RAD17: variants seen among roughly 807,000 people sequenced by gnomAD.
RAD17 encodes cell cycle checkpoint protein RAD17.
RAD17 carries 31 observed loss-of-function variants against 81.5 expected under a neutral mutation model. The ratio of observed to expected loss-of-function variants is 0.38; its 90% CI spans 0.29 to 0.51. The LOEUF (loss-of-function observed/expected upper bound fraction) is 0.51, where lower values mean the gene tolerates loss of function less well. Ranked by LOEUF, RAD17 falls within the 20% of genes least tolerant of loss-of-function variation. The probability of loss-of-function intolerance (pLI) is 0.88; values close to 1 mark genes in which losing one functional copy is unlikely to be tolerated. For missense variants in RAD17, 681 were observed against 781.2 expected (o/e 0.87, Z 1.53); for synonymous variants, 261 against 266.2 (o/e 0.98, Z 0.19).
Position 69,369,938 on chromosome 5 carries a change from G to A in RAD17, c.-417+5G>A, listed in dbSNP as rs1762824100. ...AGGGGATGCAGCTCCGGGAAAGTAA[G>A]GCCGCCGCGGTTGCGGCTATATTAT... On this transcript the variant is annotated splice_donor_5th_base_variant and intron_variant, in intron 1 of 18. Coordinates refer to ENST00000354868, the MANE Select transcript of RAD17 (RefSeq NM_133338.3). The A allele has an allele frequency of 1.8e-6, 1 of 563,822 alleles. No homozygotes were observed. The highest frequency in any genetic ancestry group is 3.1e-6 in the Non-Finnish European group (1 of 319,234). The allele number at this position is 563,822 out of a possible 1,614,324, so 34.9% of individuals were successfully genotyped here.
chr5:69,391,894 A>G lies in RAD17; in HGVS notation c.1070A>G (p.Lys357Arg). The G allele has an allele frequency of 1.3e-6, 2 of 1,595,520 alleles. No homozygotes were observed. The highest frequency in any genetic ancestry group is 1.1e-5 in the South Asian group (1 of 87,080). The change falls in exon 13 of 19, where the codon AAA becomes AGA. Residue 357 changes from lysine (K) to arginine (R), a missense_variant. Coordinates refer to ENST00000354868, the MANE Select transcript of RAD17 (RefSeq NM_133338.3). ...MSLKSDAVLS[K>R]SKRRKKPDRV... is the part of the protein sequence containing the mutation. ...TTAAAATCAGATGCTGTGCTGTCAA[A>G]ATCAAAACGAAGAAAAAAACCTGAT... is the stretch of plus-strand genomic sequence containing the variant.
At chr5:69,372,817 T>C (rs193132143) in intron 4 of RAD17, among the ~76,000 whole-genome samples, 6 of 152,210 alleles carry the variant, frequency 3.9e-5, no homozygotes, top group African/African-American at 9.6e-5. Flanking sequence ...CCCTATGTTA[T>C]GCTAGCTGTT....
chr5:69,374,973 G>A (rs2150770763), intron 6 of RAD17, among the ~76,000 whole-genome samples: 1 of 152,214 alleles, frequency 6.6e-6, no homozygotes, highest in South Asian at 2.1e-4. Flanking sequence ...CTAATTAGCT[G>A]GGCATTGTGG....
intron 6 of RAD17, among the ~76,000 whole-genome samples, chr5:69,378,618 T>G (rs1763654313): frequency 6.6e-6 from 1 of 152,240 alleles, no homozygotes; most frequent in Non-Finnish European, 1.5e-5. Flanking sequence ...AAATTAGGTT[T>G]TTGCAAACCT....
chr5:69,369,601 G>A (rs558646903), upstream of RAD17: 3 of 1,585,214 alleles, frequency 1.9e-6, no homozygotes, highest in Non-Finnish European at 2.6e-6. Context: ...AGGCCCCGAA[G>A]CCCACCGCGG....
chr5:69,374,337 T>A (rs1763206574), intron 5 of RAD17, among the ~76,000 whole-genome samples: 1 of 152,216 alleles, frequency 6.6e-6, no homozygotes. Context: ...AAAATTTTTG[T>A]ACTAAATGTA....
At chr5:69,393,014 T>C in intron 13 of RAD17, 141 bp from the exon 14 acceptor site, 1 of 554,704 alleles carries the variant, frequency 1.8e-6, no homozygotes, top group Non-Finnish European at 3.1e-6. Context: ...CTTCCAGTTG[T>C]TTTTTATTTA....
intron 4 of RAD17, among the ~76,000 whole-genome samples, chr5:69,372,841 G>C (rs966477868): frequency 3.3e-5 from 5 of 152,024 alleles, no homozygotes; most frequent in Admixed American, 6.5e-5. Context: ...AAACTCCTGG[G>C]CTCAGCAATC....
intron 7 of RAD17, among the ~76,000 whole-genome samples, chr5:69,384,394 C>T (rs148854123): frequency 9.2e-5 from 14 of 152,220 alleles, no homozygotes; most frequent in African/African-American, 3.4e-4. Context: ...GCAACCTCCA[C>T]CTCCTGGGCT....
chr5:69,370,678 A>G (rs1321270947), intron 1 of RAD17: 3 of 152,516 alleles, frequency 2.0e-5, no homozygotes, highest in African/African-American at 7.3e-5. Flanking sequence ...TACAAACTAT[A>G]TTTACTCAAA....
chr5:69,391,229 C>CAA (rs34553672), intron 12 of RAD17, among the ~76,000 whole-genome samples: 6 of 110,140 alleles, frequency 5.4e-5, no homozygotes, highest in Admixed American at 9.7e-5. Context: ...GACTCCATCT[C>CAA]AAAAAAAAAA....
intron 18 of RAD17, among the ~76,000 whole-genome samples, chr5:69,412,984 CAAAAA>C (rs58817125): frequency 6.9e-6 from 1 of 145,016 alleles, no homozygotes; most frequent in African/African-American, 2.6e-5. Flanking sequence ...AAGACTGTCT[CAAAAA>C]AAAAAAAAGA....
At chr5:69,375,515 A>G (rs1031889629) in intron 6 of RAD17, among the ~76,000 whole-genome samples, 5 of 152,150 alleles carry the variant, frequency 3.3e-5, no homozygotes, top group African/African-American at 9.6e-5. Context: ...AAAAGAAAAT[A>G]GAATAATAAA....
At chr5:69,384,703 A>T in intron 7 of RAD17, 94 bp from the exon 8 acceptor site, 1 of 1,136,832 alleles carries the variant, frequency 8.8e-7, no homozygotes, top group Non-Finnish European at 1.2e-6. Flanking sequence ...CAGTATTGTG[A>T]GATGCATCAA....
intron 6 of RAD17, among the ~76,000 whole-genome samples, chr5:69,376,529 G>T (rs1405597240): frequency 6.6e-6 from 1 of 152,094 alleles, no homozygotes; most frequent in African/African-American, 2.4e-5. Context: ...AGCCAAATTG[G>T]GTAGAAGGTA....
intron 6 of RAD17, among the ~76,000 whole-genome samples, chr5:69,375,536 T>G (rs984220449): frequency 1.3e-5 from 2 of 152,120 alleles, no homozygotes; most frequent in African/African-American, 4.8e-5. Context: ...AAAATATATA[T>G]AGAATATACT....
At position 69,414,487 on chromosome 5, in the gene RAD17, CTT is replaced by C; in HGVS notation, c.*196_*197del. ...AATAGAAGATCAAGCCTTCAAATCTCTTAATTTTTTCGGTATTTATTAAATCT... is the reference window on the plus strand; with the variant it reads ...AATAGAAGATCAAGCCTTCAAATCTCAATTTTTTCGGTATTTATTAAATCT... On this transcript the variant is annotated 3_prime_UTR_variant, in exon 19 of 19. Coordinates refer to ENST00000354868, the MANE Select transcript of RAD17 (RefSeq NM_133338.3). 1 of 701,190 alleles carries C rather than the reference CTT, an allele frequency of 1.4e-6. No homozygotes were observed. Among genetic ancestry groups the C allele is most frequent in the Non-Finnish European group, 2.3e-6 (1 of 435,256 alleles). The allele number at this position is 701,190 out of a possible 1,614,324, so 43.4% of individuals were successfully genotyped here. A position where few individuals can be genotyped will look rare whatever the true frequency, so the allele number is the denominator to read the frequency against.
At chr5:69,369,374 G>A, upstream of RAD17, 1 of 1,475,196 alleles carries the variant, frequency 6.8e-7, no homozygotes, top group East Asian at 2.5e-5. Flanking sequence ...AGAGGGCAGT[G>A]AGGGGCCCCC....
intron 17 of RAD17, among the ~76,000 whole-genome samples, chr5:69,403,583 C>T (rs1765406622): frequency 6.6e-6 from 1 of 152,136 alleles, no homozygotes. Flanking sequence ...GATATTTAGT[C>T]TTTAATCCTT....
Sources: allele counts gnomAD v4.1 joint callset (sites outside exome capture counted in the v4.1 genomes callset), GRCh38; gene constraint gnomAD v4.1.1; transcripts MANE v1.5; gene names NCBI Gene and HGNC (gene_info 2026-07-23, HGNC 2026-07-21).